The following PPFIBP1 variants were observed in gnomAD, a reference collection of about 807,000 sequenced individuals.
The protein encoded by PPFIBP1 is PPFIB scaffold protein 1.
In PPFIBP1, 112 loss-of-function variants were observed where a neutral mutation model predicts 137.8. The observed-to-expected ratio is 0.81, with a 90% confidence interval of 0.70 to 0.95. The LOEUF (loss-of-function observed/expected upper bound fraction) is 0.95, where lower values mean the gene tolerates loss of function less well. Among genes scored for constraint, PPFIBP1 ranks in the 40% least tolerant of loss-of-function variants. The pLI is 0.00. For missense variants in PPFIBP1, 1,083 were observed against 1,196.6 expected (o/e 0.91, Z 1.40); for synonymous variants, 378 against 417.3 (o/e 0.91, Z 1.15).
intron 28 of PPFIBP1, 47 bp from the exon 29 acceptor site, chr12:27,692,544 T>C (rs769533880): frequency 6.3e-7 from 1 of 1,581,152 alleles, no homozygotes; most frequent in South Asian, 1.1e-5. Context: ...GCACTTTCCC[T>C]GAAATTGTGA....
At chr12:27,669,733 T>A (rs1421422896) in intron 13 of PPFIBP1, among the ~76,000 whole-genome samples, 2 of 152,228 alleles carry the variant, frequency 1.3e-5, no homozygotes, top group Non-Finnish European at 2.9e-5. Flanking sequence ...TTAAATAATC[T>A]GCTACTTTAT....
chr12:27,679,527 G>A lies in PPFIBP1; in HGVS notation c.1654G>A (p.Ala552Thr), dbSNP rs201187783. 20 of 1,613,878 alleles carry A rather than the reference G, an allele frequency of 1.2e-5. No homozygotes were observed. The highest frequency in any genetic ancestry group is 3.3e-4 in the Middle Eastern group (2 of 6,084). ...EKETAEHLDL[A>T]GASSRPKDSQ... Reference sequence around the variant, plus strand: ...AGAGACAGCAGAGCACCTAGATCTGGCTGGTGCTTCTTCTCGGCCAAAAGA... The same window carrying A: ...AGAGACAGCAGAGCACCTAGATCTGACTGGTGCTTCTTCTCGGCCAAAAGA... Residue 552 changes from alanine to threonine, a missense_variant, in exon 20 of 30, where the codon GCT becomes ACT. Coordinates refer to ENST00000228425, the MANE Select transcript of PPFIBP1 (RefSeq NM_003622.4).
chr12:27,613,110 T>C (rs1257419509), intron 2 of PPFIBP1, among the ~76,000 whole-genome samples: 1 of 152,312 alleles, frequency 6.6e-6, no homozygotes, highest in East Asian at 1.9e-4. Flanking sequence ...ATCTGAATAA[T>C]TTCAGTGCCA....
intron 1 of PPFIBP1, among the ~76,000 whole-genome samples, chr12:27,558,671 G>T (rs2048910876): frequency 6.6e-6 from 1 of 151,874 alleles, no homozygotes; most frequent in Non-Finnish European, 1.5e-5. Context: ...TTATGCGTAT[G>T]TTTGATCTTC....
chr12:27,648,760 T>C lies in PPFIBP1; in HGVS notation c.471+918T>C, dbSNP rs1441843506. 2.0e-5 allele frequency among the ~76,000 whole-genome samples: 3 copies of C among 152,110 alleles called. No homozygotes were observed. The East Asian group carries it at 5.8e-4, about 29-fold the overall frequency. ...TAAGCCAAGCCCAGAAAAACAAACA[T>C]CTCACGTTCTTACTTATTTGTGGGA... On this transcript the variant is annotated intron_variant, in intron 6 of 29. Coordinates refer to ENST00000228425, the MANE Select transcript of PPFIBP1 (RefSeq NM_003622.4).
chr12:27,650,588 C>T (rs1363376055), intron 7 of PPFIBP1, among the ~76,000 whole-genome samples: 1 of 152,166 alleles, frequency 6.6e-6, no homozygotes, highest in East Asian at 1.9e-4. Context: ...CACAAAATCA[C>T]AGACAGAGCT....
chr12:27,555,240 A>C (rs899852664), intron 1 of PPFIBP1, among the ~76,000 whole-genome samples: 4 of 152,220 alleles, frequency 2.6e-5, no homozygotes, highest in Non-Finnish European at 5.9e-5. Context: ...GGTTCTTTTC[A>C]AAAATTATTT....
At chr12:27,638,904 G>T (rs1015686832) in intron 4 of PPFIBP1, among the ~76,000 whole-genome samples, 6 of 96,940 alleles carry the variant, frequency 6.2e-5, no homozygotes, top group African/African-American at 2.0e-4. Context: ...TGGCCAACTT[G>T]AGAGGCCCTG....
intron 13 of PPFIBP1, among the ~76,000 whole-genome samples, chr12:27,667,961 G>A (rs1383099496): frequency 1.3e-5 from 2 of 152,098 alleles, no homozygotes; most frequent in Non-Finnish European, 2.9e-5. Flanking sequence ...TTCTGCTGTA[G>A]CCACAGGCCT....
At chr12:27,551,091 G>A (rs1333985188) in intron 1 of PPFIBP1, among the ~76,000 whole-genome samples, 1 of 151,752 alleles carries the variant, frequency 6.6e-6, no homozygotes, top group Non-Finnish European at 1.5e-5. Context: ...GACCTTGGGA[G>A]ATCTTCTCCA....
At chr12:27,614,917 A>G (rs2055576721) in intron 2 of PPFIBP1, among the ~76,000 whole-genome samples, 1 of 152,246 alleles carries the variant, frequency 6.6e-6, no homozygotes, top group Non-Finnish European at 1.5e-5. Flanking sequence ...CATGCTAACT[A>G]AAAGAAGCAA....
At chr12:27,543,164 G>A (rs1244528178) in intron 1 of PPFIBP1, among the ~76,000 whole-genome samples, 2 of 152,182 alleles carry the variant, frequency 1.3e-5, no homozygotes, top group Non-Finnish European at 2.9e-5. Flanking sequence ...TTTGCCTGAA[G>A]AATTTCAACA....
chr12:27,687,945 A>T (rs1287166075), intron 25 of PPFIBP1, among the ~76,000 whole-genome samples: 1 of 152,142 alleles, frequency 6.6e-6, no homozygotes, highest in Non-Finnish European at 1.5e-5. Flanking sequence ...TTAGCCAGGC[A>T]TGGTGGGTGC....
intron 2 of PPFIBP1, among the ~76,000 whole-genome samples, chr12:27,601,796 C>A (rs757457368): frequency 1.6e-4 from 24 of 152,216 alleles, no homozygotes; most frequent in Non-Finnish European, 2.9e-5. Flanking sequence ...AACTTACAGA[C>A]TGAATTCTGC....
At chr12:27,595,535 G>T (rs369162550) in intron 2 of PPFIBP1, among the ~76,000 whole-genome samples, 12 of 152,264 alleles carry the variant, frequency 7.9e-5, no homozygotes, top group Admixed American at 5.2e-4. Flanking sequence ...GAAAGCCACA[G>T]AATTATCCCT....
At chr12:27,530,623 T>A (rs1944311802) in intron 1 of PPFIBP1, among the ~76,000 whole-genome samples, 1 of 152,196 alleles carries the variant, frequency 6.6e-6, no homozygotes, top group Non-Finnish European at 1.5e-5. Flanking sequence ...TCCCCCCTCC[T>A]TTTCTGTAAC....
At chr12:27,562,139 T>C (rs1028782969) in intron 1 of PPFIBP1, among the ~76,000 whole-genome samples, 2 of 152,296 alleles carry the variant, frequency 1.3e-5, no homozygotes, top group East Asian at 3.9e-4. Context: ...ATAGTATCAC[T>C]GTCTCTTGTA....
intron 2 of PPFIBP1, among the ~76,000 whole-genome samples, chr12:27,592,088 A>G (rs1341715649): frequency 6.6e-6 from 1 of 152,234 alleles, no homozygotes; most frequent in East Asian, 1.9e-4. Context: ...ATTTCCTGAG[A>G]AAGAATTTCT....
At chr12:27,634,311 G>C (rs7969739) in intron 3 of PPFIBP1, among the ~76,000 whole-genome samples, 48,231 of 151,722 alleles carry the variant, frequency 0.32, 8,259 homozygotes, top group Middle Eastern at 0.39. Flanking sequence ...ACAGGCACAC[G>C]CCACTGCACT....
Sources: gnomAD v4.1 joint callset for allele counts (sites outside exome capture counted in the v4.1 genomes callset) on GRCh38, gnomAD v4.1.1 for gene constraint, MANE v1.5 for transcripts, NCBI Gene and HGNC (gene_info 2026-07-23, HGNC 2026-07-21) for gene names.